Variants in C4orf50 observed in about 807,000 individuals in gnomAD.
C4orf50 encodes chromosome 4 open reading frame 50.
In C4orf50, 80 loss-of-function variants were observed where a neutral mutation model predicts 77.2. The ratio of observed to expected loss-of-function variants is 1.04; its 90% confidence interval spans 0.87 to 1.25. The LOEUF is 1.25. Ranked by LOEUF, C4orf50 falls within the 50% of genes most tolerant of loss-of-function variation. The probability of loss-of-function intolerance (pLI) is 0.00; values close to 1 mark genes in which losing one functional copy is unlikely to be tolerated. For synonymous variants in C4orf50, 532 were observed against 465.3 expected (o/e 1.14, Z -1.84); for missense variants, 1,257 against 1,152.9 (o/e 1.09, Z -1.31).
At chr4:5,976,151 C>T (rs1288326709) in intron 29 of C4orf50, among the ~76,000 whole-genome samples, 196 bp from the exon 8 acceptor site, 2 of 152,088 alleles carry the variant, frequency 1.3e-5, no homozygotes, top group African/African-American at 2.4e-5. Context: ...TCTGAATACT[C>T]AAGAATCAGC....
At chr4:6,010,733 G>T (rs1722460838) in intron 24 of C4orf50, among the ~76,000 whole-genome samples, 1 of 152,226 alleles carries the variant, frequency 6.6e-6, no homozygotes, top group Admixed American at 6.5e-5. Flanking sequence ...GGTGGTGCAT[G>T]CAGCTACCGT....
intron 7 of C4orf50, among the ~76,000 whole-genome samples, chr4:5,923,037 G>A (rs1333257317): frequency 1.3e-5 from 2 of 152,152 alleles, no homozygotes; most frequent in East Asian, 3.9e-4. Context: ...CTCCCTGGGA[G>A]CCCAAAGAAA....
chr4:5,966,787 C>A (rs1381863583), intron 32 of C4orf50, among the ~76,000 whole-genome samples: 1 of 151,698 alleles, frequency 6.6e-6, no homozygotes, highest in Non-Finnish European at 1.5e-5. Context: ...GTAGCTGGGA[C>A]TACAAGCATG....
chr4:6,007,922 A>G lies in C4orf50; in HGVS notation c.963+74T>C, dbSNP rs987025735. 1.0e-5 allele frequency: 4 copies of G among 399,120 alleles called. No homozygotes were observed. The highest frequency in any genetic ancestry group is 8.8e-5 in the Admixed American group (2 of 22,718). 24.7% of individuals were successfully genotyped at this position (399,120 alleles called of 1,614,324 possible). A position where few individuals can be genotyped will look rare whatever the true frequency, so the allele number is the denominator to read the frequency against. On this transcript the variant is annotated intron_variant, in intron 25 of 33. Transcript: ENST00000531445. This position sits in a 1 kb window ranked among gnomAD's most constrained non-coding sequence, Gnocchi z 4.1. Reference sequence around the variant, plus strand: ...AGGAGCCCGGGGAATGGATGGGCCAATGACTTCACCAAGTGGCTGGAGGAG... The same window carrying G: ...AGGAGCCCGGGGAATGGATGGGCCAGTGACTTCACCAAGTGGCTGGAGGAG...
chr4:5,969,621 C>CTTTTTT (rs1719785579), intron 31 of C4orf50, among the ~76,000 whole-genome samples: 1 of 152,004 alleles, frequency 6.6e-6, no homozygotes, highest in Non-Finnish European at 1.5e-5. Context: ...GCCCCAAAAG[C>CTTTTTT]TGTTGGGTGC....
intron 7 of C4orf50, among the ~76,000 whole-genome samples, chr4:5,950,401 G>A (rs983945443): frequency 1.3e-5 from 2 of 152,196 alleles, no homozygotes; most frequent in Non-Finnish European, 2.9e-5. Context: ...GGGTGGTGTA[G>A]AAATAAAACG....
chr4:5,954,863 GGA>G (rs1313662474), downstream of C4orf50, among the ~76,000 whole-genome samples: 4 of 152,108 alleles, frequency 2.6e-5, no homozygotes, highest in Non-Finnish European at 5.9e-5. The surrounding 1 kb of genome is among the most constrained non-coding windows in gnomAD (Gnocchi z 4.7). Context: ...ATGCTGGTTG[GGA>G]GAGACCTGAG....
At chr4:5,980,975 C>T (rs369235406) in intron 28 of C4orf50, among the ~76,000 whole-genome samples, 1 of 152,142 alleles carries the variant, frequency 6.6e-6, no homozygotes, top group East Asian at 1.9e-4. Flanking sequence ...TGAGAGGGAA[C>T]AGGCTGGCTT....
intron 7 of C4orf50, among the ~76,000 whole-genome samples, chr4:5,947,544 G>C (rs1438924879): frequency 1.4e-5 from 2 of 147,678 alleles, no homozygotes; most frequent in Non-Finnish European, 3.0e-5. Context: ...GCAAGCTCAA[G>C]CAACGGATGG....
intron 7 of C4orf50, among the ~76,000 whole-genome samples, chr4:5,922,525 G>T (rs531846911): frequency 6.6e-6 from 1 of 152,280 alleles, no homozygotes; most frequent in Non-Finnish European, 1.5e-5. Context: ...AGTCCTTGGG[G>T]GAATTGGACC....
intron 27 of C4orf50, 57 bp from the exon 6 acceptor site, chr4:5,990,881 C>G: frequency 2.5e-6 from 1 of 398,846 alleles, no homozygotes; most frequent in Non-Finnish European, 4.4e-6. Context: ...ATTTAGCACC[C>G]CCACCTCCAC....
downstream of C4orf50, among the ~76,000 whole-genome samples, chr4:5,953,845 C>T (rs1210674727): frequency 2.6e-5 from 4 of 152,218 alleles, no homozygotes; most frequent in African/African-American, 9.6e-5. Context: ...ATGCCCGTTC[C>T]AGGTGGACAT....
intron 25 of C4orf50, among the ~76,000 whole-genome samples, chr4:6,004,696 A>G (rs1044143573): frequency 8.6e-6 from 1 of 116,624 alleles, no homozygotes; most frequent in Admixed American, 9.1e-5. Flanking sequence ...GGTGATGGTG[A>G]TAATGGTGAT....
Position 5,994,332 on chromosome 4 carries a change from G to A in C4orf50, c.1093+15C>T, listed in dbSNP as rs184404960. On this transcript the variant is annotated intron_variant, in intron 26 of 33. Transcript: ENST00000531445. The stretch of plus-strand genomic sequence containing the variant: ...GCCCGCGACTCGTCCTCCACGCACC[G>A]CGGTACCCGCGCACCTGCTGGGGCC... 1.7e-3 allele frequency: 694 copies of A among 399,234 alleles called. 8 individuals are homozygous for A. In the East Asian group the frequency reaches 0.024, roughly 14 times the overall value. The allele number at this position is 399,234 out of a possible 1,614,324, so 24.7% of individuals were successfully genotyped here. A position where few individuals can be genotyped will look rare whatever the true frequency, so the allele number is the denominator to read the frequency against.
At chr4:5,933,413 C>A (rs961844068) in intron 7 of C4orf50, among the ~76,000 whole-genome samples, 3 of 152,232 alleles carry the variant, frequency 2.0e-5, no homozygotes, top group Admixed American at 1.3e-4. Context: ...TGAATGGCAG[C>A]TCCTGCCTCC....
exon 28 of C4orf50, chr4:5,989,259 G>T (rs1721103819): frequency 3.3e-6 from 5 of 1,535,902 alleles, no homozygotes; most frequent in Non-Finnish European, 4.4e-6. Context: ...ATCCAGAAAT[G>T]AGCTGATGAA....
chr4:5,967,461 G>A, exon 32 of C4orf50: 1 of 1,613,856 alleles, frequency 6.2e-7, no homozygotes, highest in Non-Finnish European at 8.5e-7. Context: ...GTGGTGGCTT[G>A]TCTGCAAGAA....
chr4:5,992,914 C>T lies in C4orf50; in HGVS notation c.1110G>A (p.Gly370=), dbSNP rs973875947. The change falls in exon 27 of 34, where the codon GGG becomes GGA. Residue 370 remains glycine, a synonymous_variant. Transcript: ENST00000531445. This position sits in a 1 kb window ranked among gnomAD's most constrained non-coding sequence, Gnocchi z 5.0. ...GCCTGATGCGGCTCCAGGTGCAGGG[C>T]CCCTCTGGGGACTGGCCTGGAAAGC... The T allele has an allele frequency of 1.0e-5, 4 of 398,946 alleles. No individual in the cohort carries two copies. Among genetic ancestry groups the T allele is most frequent in the African/African-American group, 2.1e-5 (1 of 48,626 alleles). 24.7% of individuals were successfully genotyped at this position (398,946 alleles called of 1,614,324 possible). A position where few individuals can be genotyped will look rare whatever the true frequency, so the allele number is the denominator to read the frequency against.
chr4:5,962,342 G>A lies in C4orf50; in HGVS notation c.4275+2682C>T, dbSNP rs572082761. Among the ~76,000 whole-genome samples the A allele has an allele frequency of 6.6e-5, 10 of 152,366 alleles. No individual in the cohort carries two copies. The South Asian group carries it at 2.1e-3, about 32-fold the overall frequency. On this transcript the variant is annotated intron_variant, in intron 33 of 33. Transcript: ENST00000531445. ...AGTCCAGTGACCTTCTGTGTTTTTAGTGATAACTTTGAAGAAAGCTGAAGA... is the reference window on the plus strand; with the variant it reads ...AGTCCAGTGACCTTCTGTGTTTTTAATGATAACTTTGAAGAAAGCTGAAGA...
Sources: gnomAD v4.1 joint callset for allele counts (sites outside exome capture counted in the v4.1 genomes callset) on GRCh38, gnomAD v4.1.1 for gene constraint, Gnocchi (gnomAD v3.1) non-coding constraint, MANE v1.5 for transcripts, NCBI Gene and HGNC (gene_info 2026-07-23, HGNC 2026-07-21) for gene names.